Variants in ATP11C observed in about 807,000 individuals in gnomAD.
ATP11C encodes ATPase phospholipid transporting 11C (ATP11C blood group).
A neutral mutation model predicts 97.4 loss-of-function variants in ATP11C; 36 were observed. The observed-to-expected ratio is 0.37, with a 90% confidence interval of 0.28 to 0.49. The LOEUF (loss-of-function observed/expected upper bound fraction) is 0.49, where lower values mean the gene tolerates loss of function less well. Among genes scored for constraint, ATP11C ranks in the 20% least tolerant of loss-of-function variants. ATP11C has a pLI of 0.98. For missense variants in ATP11C, 730 were observed against 824.6 expected, an observed-to-expected ratio of 0.89 and a Z score of 1.40; for synonymous variants, 275 against 290.9, an observed-to-expected ratio of 0.95 and a Z score of 0.56.
At chrX:139,779,679 T>C (rs947743921) in intron 18 of ATP11C, among the ~76,000 whole-genome samples, 2 of 111,186 alleles carry the variant, frequency 1.8e-5, no homozygotes, top group Non-Finnish European at 3.8e-5. Context: ...CTAAAGGAAC[T>C]AGAAAAACAA....
chrX:139,754,636 C>G (rs2081892602), intron 23 of ATP11C, among the ~76,000 whole-genome samples: 1 of 112,100 alleles, frequency 8.9e-6, no homozygotes, highest in Non-Finnish European at 1.9e-5. Context: ...CAGCACATCA[C>G]AAAGCTAATC....
intron 1 of ATP11C, among the ~76,000 whole-genome samples, chrX:139,857,115 A>G (rs1048815768): frequency 8.9e-6 from 1 of 111,805 alleles, no homozygotes; most frequent in Non-Finnish European, 1.9e-5. Context: ...CACAGCCATA[A>G]TGAGTGTACT....
intron 22 of ATP11C, among the ~76,000 whole-genome samples, chrX:139,761,052 G>C (rs779182964): frequency 9.0e-6 from 1 of 111,018 alleles, no homozygotes; most frequent in Non-Finnish European, 1.9e-5. Context: ...GAGAGGCTGA[G>C]GGGGGCAGAT....
chrX:139,910,054 C>T, intron 1 of ATP11C: 1 of 114,390 alleles, frequency 8.7e-6, no homozygotes, highest in Non-Finnish European at 1.9e-5. Flanking sequence ...TTGAAAAAGA[C>T]AGTTACTAAA....
intron 18 of ATP11C, among the ~76,000 whole-genome samples, chrX:139,780,352 A>G (rs2082426257): frequency 8.9e-6 from 1 of 111,891 alleles, no homozygotes; most frequent in Non-Finnish European, 1.9e-5. Flanking sequence ...ATAACTCATC[A>G]TGATCAAACG....
At chrX:139,822,473 G>A (rs1380327613) in intron 2 of ATP11C, among the ~76,000 whole-genome samples, 1 of 111,230 alleles carries the variant, frequency 9.0e-6, no homozygotes, top group Admixed American at 9.5e-5. Context: ...GAGTGCAGTG[G>A]TGTGATCTCA....
intron 22 of ATP11C, among the ~76,000 whole-genome samples, chrX:139,761,700 C>T (rs1017773946): frequency 9.0e-6 from 1 of 111,032 alleles, no homozygotes; most frequent in Admixed American, 9.6e-5. Flanking sequence ...TGGAACTGTA[C>T]ACTTTTGATG....
At chrX:139,884,271 C>T (rs1055259954) in intron 1 of ATP11C, among the ~76,000 whole-genome samples, 1 of 111,399 alleles carries the variant, frequency 9.0e-6, no homozygotes, top group Non-Finnish European at 1.9e-5. Flanking sequence ...TTGGGCCCTG[C>T]TTGTAAGACC....
At chrX:139,837,879 A>G (rs2147917367) in intron 1 of ATP11C, among the ~76,000 whole-genome samples, 1 of 112,144 alleles carries the variant, frequency 8.9e-6, no homozygotes, top group Admixed American at 9.4e-5. Context: ...AGCAAATACA[A>G]CTATTCCCTG....
chrX:139,886,205 T>C (rs1272461870), intron 1 of ATP11C, among the ~76,000 whole-genome samples: 1 of 111,062 alleles, frequency 9.0e-6, no homozygotes, highest in Non-Finnish European at 1.9e-5. Flanking sequence ...GATCAATATA[T>C]AGAAATTGTT....
chrX:139,890,218 G>C (rs1236589491), intron 1 of ATP11C, among the ~76,000 whole-genome samples: 1 of 110,935 alleles, frequency 9.0e-6, no homozygotes, highest in Non-Finnish European at 1.9e-5. Flanking sequence ...CATGGTTCTG[G>C]CTTTGCAAGG....
intron 19 of ATP11C, among the ~76,000 whole-genome samples, chrX:139,772,088 C>A (rs1413731512): frequency 1.8e-5 from 2 of 112,016 alleles, no homozygotes; most frequent in Admixed American, 9.4e-5. Context: ...CCAGCGTCCC[C>A]GTGCTGTGTG....
intron 22 of ATP11C, among the ~76,000 whole-genome samples, chrX:139,759,771 A>G (rs1314147245): frequency 8.9e-6 from 1 of 112,132 alleles, no homozygotes; most frequent in Non-Finnish European, 1.9e-5. Context: ...ATGGGCCTAG[A>G]GATACTAACG....
At chrX:139,799,644 CTTTT>C (rs754371113) in intron 8 of ATP11C, among the ~76,000 whole-genome samples, 1 of 60,368 alleles carries the variant, frequency 1.7e-5, no homozygotes, top group African/African-American at 8.0e-5. Context: ...CTTTATATTC[CTTTT>C]TTTTTTTTTT....
chrX:139,750,658 G>A, intron 23 of ATP11C, among the ~76,000 whole-genome samples: 1 of 111,548 alleles, frequency 9.0e-6, no homozygotes, highest in Non-Finnish European at 1.9e-5. Flanking sequence ...GTTCCTCATG[G>A]CATGTGTTCT....
chrX:139,934,886 A>G (rs965491702), upstream of ATP11C, among the ~76,000 whole-genome samples: 7 of 111,554 alleles, frequency 6.3e-5, no homozygotes, highest in Admixed American at 6.7e-4. Flanking sequence ...AAATACTGTA[A>G]TTTCTTCACT....
At chrX:139,844,369 C>G (rs898999605) in intron 1 of ATP11C, among the ~76,000 whole-genome samples, 2 of 112,196 alleles carry the variant, frequency 1.8e-5, no homozygotes, top group Non-Finnish European at 3.8e-5. Context: ...CAAAAATAAA[C>G]AGCATGTGTA....
Position 139,751,158 on chromosome X carries a change from C to G in ATP11C, c.2701-1006G>C, listed in dbSNP as rs187416788. Among the ~76,000 whole-genome samples the G allele has an allele frequency of 4.9e-3, 552 of 112,317 alleles. 2 individuals are homozygous for G. Among genetic ancestry groups the G allele is most frequent in the Non-Finnish European group, 8.1e-3 (431 of 53,264 alleles). ...CTTGAATGGTGCATTAGTTAGTTCACTAGTTGACTTCAGAACATTTACCGA... is the reference window on the plus strand; with the variant it reads ...CTTGAATGGTGCATTAGTTAGTTCAGTAGTTGACTTCAGAACATTTACCGA... On this transcript the variant is annotated intron_variant, in intron 23 of 29. Transcript: ENST00000682941.
intron 1 of ATP11C, among the ~76,000 whole-genome samples, chrX:139,881,262 CAA>C (rs754834009): frequency 1.0e-3 from 111 of 111,392 alleles, no homozygotes; most frequent in African/African-American, 3.5e-3. Context: ...TCTAGGGAAA[CAA>C]GATATGAGGA....
Sources: gnomAD v4.1 joint callset for allele counts (sites outside exome capture counted in the v4.1 genomes callset) on GRCh38, gnomAD v4.1.1 for gene constraint, MANE v1.5 for transcripts, NCBI Gene and HGNC (gene_info 2026-07-23, HGNC 2026-07-21) for gene names.